Variants in PSMA8 observed in about 807,000 individuals in gnomAD.
The protein encoded by PSMA8 is proteasome subunit alpha-type 8.
PSMA8 carries 18 observed loss-of-function variants against 32.4 expected under a neutral mutation model. The observed-to-expected ratio is 0.56, with a 90% CI of 0.38 to 0.82. The LOEUF is 0.82. Ranked by LOEUF, PSMA8 falls within the 40% of genes least tolerant of loss-of-function variation. PSMA8 has a pLI of 0.00. For missense variants in PSMA8, 298 were observed against 300.7 expected (o/e 0.99, Z 0.07); for synonymous variants, 104 against 98.1 (o/e 1.06, Z -0.36).
chr18:26,165,577 C>A (rs921175744), intron 4 of PSMA8, among the ~76,000 whole-genome samples: 4 of 152,030 alleles, frequency 2.6e-5, no homozygotes, highest in South Asian at 2.1e-4. Flanking sequence ...ATTTTCCCCC[C>A]CCAAGATTGG....
intron 4 of PSMA8, among the ~76,000 whole-genome samples, chr18:26,172,570 CT>C (rs2055231304): frequency 1.3e-5 from 2 of 152,082 alleles, no homozygotes; most frequent in African/African-American, 4.8e-5. Flanking sequence ...CAGGGTTAAG[CT>C]GCATATGGAA....
At chr18:26,151,706 C>T (rs2144293376) in intron 2 of PSMA8, 152 bp from the exon 3 acceptor site, 2 of 562,014 alleles carry the variant, frequency 3.6e-6, no homozygotes, top group East Asian at 6.1e-5. Context: ...GGACAAATGA[C>T]ACTTTATCTC....
At position 26,170,336 on chromosome 18, in the gene PSMA8, G is replaced by T. The variant is rs558938390; in HGVS notation, c.478-8494G>T. On this transcript the variant is annotated intron_variant, in intron 4 of 6. Transcript: ENST00000415576. ...GGCAACATTTATCTACAAACCTCTG[G>T]ATATACACGTAGGAATCTTTTGGTA... Among the ~76,000 whole-genome samples the T allele has an allele frequency of 8.4e-5, 11 of 131,666 alleles. 3 individuals carry two copies. In the East Asian group the frequency reaches 2.4e-3, roughly 28 times the overall value. 86.4% of individuals were successfully genotyped at this position (131,666 alleles called of 152,430 possible).
At chr18:26,149,330 C>T (rs1284812670) in intron 2 of PSMA8, among the ~76,000 whole-genome samples, 1 of 150,114 alleles carries the variant, frequency 6.7e-6, no homozygotes, top group African/African-American at 2.5e-5. Flanking sequence ...GGAAAGACAT[C>T]CCGCATTCAT....
At chr18:26,138,584 A>G (rs1004479703) in intron 1 of PSMA8, among the ~76,000 whole-genome samples, 2 of 152,034 alleles carry the variant, frequency 1.3e-5, no homozygotes, top group Non-Finnish European at 2.9e-5. Context: ...TTCAGACTTT[A>G]TTTTCTTCTT....
intron 4 of PSMA8, among the ~76,000 whole-genome samples, chr18:26,169,605 T>C (rs1351672611): frequency 1.5e-5 from 2 of 129,734 alleles, no homozygotes; most frequent in East Asian, 4.4e-4. Context: ...TTTGGGAGGC[T>C]GAGGTGGGTG....
intron 6 of PSMA8, among the ~76,000 whole-genome samples, chr18:26,189,233 A>G (rs2055382470): frequency 6.6e-6 from 1 of 152,220 alleles, no homozygotes; most frequent in Non-Finnish European, 1.5e-5. Context: ...AATGGCAAAC[A>G]GGCATATAAA....
At chr18:26,179,006 T>C in intron 5 of PSMA8, 57 bp downstream of exon 5, 1 of 1,607,666 alleles carries the variant, frequency 6.2e-7, no homozygotes, top group African/African-American at 1.3e-5. Flanking sequence ...CCTCATCCAT[T>C]TTTGTTTATT....
chr18:26,152,687 A>G (rs2055056432), intron 3 of PSMA8, among the ~76,000 whole-genome samples: 1 of 152,188 alleles, frequency 6.6e-6, no homozygotes, highest in African/African-American at 2.4e-5. Context: ...AGTTTGGGTT[A>G]GAAACTTAAT....
At chr18:26,153,353 G>A (rs1207109487) in intron 3 of PSMA8, among the ~76,000 whole-genome samples, 1 of 151,812 alleles carries the variant, frequency 6.6e-6, no homozygotes, top group African/African-American at 2.4e-5. Context: ...TTATTTTTTA[G>A]TATGGGATTA....
At chr18:26,179,194 AG>A in intron 6 of PSMA8, 64 bp downstream of exon 6, 1 of 1,342,972 alleles carries the variant, frequency 7.4e-7, no homozygotes, top group Non-Finnish European at 1.1e-6. Flanking sequence ...AAAGTTAAAA[AG>A]TTGTTGGCCT....
At chr18:26,170,690 G>A in intron 4 of PSMA8, 2 of 1,366,484 alleles carry the variant, frequency 1.5e-6, no homozygotes, top group Non-Finnish European at 2.0e-6. Flanking sequence ...TCAGAGGGAG[G>A]GGGAACAACT....
rs139726206 is a variant in PSMA8, at chr18:26,189,038, A to G, written c.661-3281A>G. 3.1e-3 allele frequency among the ~76,000 whole-genome samples: 476 copies of G among 152,352 alleles called. 1 individual carries two copies. The highest frequency in any genetic ancestry group is 7.8e-3 in the African/African-American group (323 of 41,582). On this transcript the variant is annotated intron_variant, in intron 6 of 6. Transcript: ENST00000415576. ...CTGCACAGCAAAGGAAACAATCAAC[A>G]AAGTGAGGTGACAGCCCACAGAATG...
At chr18:26,175,544 G>A (rs945003590) in intron 4 of PSMA8, among the ~76,000 whole-genome samples, 5 of 152,142 alleles carry the variant, frequency 3.3e-5, no homozygotes, top group Admixed American at 6.5e-5. Context: ...CTTACCTGAG[G>A]GAGCTCTTGT....
chr18:26,182,466 A>G (rs562634373), intron 6 of PSMA8, among the ~76,000 whole-genome samples: 2 of 152,322 alleles, frequency 1.3e-5, no homozygotes, highest in South Asian at 4.1e-4. Flanking sequence ...ATAGCATAGT[A>G]TACTGAATAT....
At chr18:26,186,424 A>G (rs2055355115) in intron 6 of PSMA8, among the ~76,000 whole-genome samples, 1 of 152,104 alleles carries the variant, frequency 6.6e-6, no homozygotes, top group South Asian at 2.1e-4. Flanking sequence ...GTATTATTAA[A>G]TTAGAAAAAC....
intron 4 of PSMA8, among the ~76,000 whole-genome samples, chr18:26,172,512 G>A (rs1393459920): frequency 6.6e-6 from 1 of 152,146 alleles, no homozygotes; most frequent in African/African-American, 2.4e-5. Context: ...TTGGTTTATA[G>A]GTATGTAGCA....
At chr18:26,144,718 G>A in intron 2 of PSMA8, 33 bp downstream of exon 2, 1 of 1,608,682 alleles carries the variant, frequency 6.2e-7, no homozygotes, top group South Asian at 1.1e-5. Flanking sequence ...GATGCATAGT[G>A]TCTTACTGTA....
chr18:26,142,022 A>G (rs1598641910), intron 1 of PSMA8, among the ~76,000 whole-genome samples: 1 of 142,512 alleles, frequency 7.0e-6, no homozygotes, highest in African/African-American at 2.6e-5. Context: ...GTGTATTTTC[A>G]CTTCAATAAT....
Sources: gnomAD v4.1 joint callset for allele counts (sites outside exome capture counted in the v4.1 genomes callset) on GRCh38, gnomAD v4.1.1 for gene constraint, MANE v1.5 for transcripts, NCBI Gene and HGNC (gene_info 2026-07-23, HGNC 2026-07-21) for gene names.